Variants in NRG1 observed in about 807,000 individuals in gnomAD.
The protein encoded by NRG1 is neuregulin 1.
A neutral mutation model predicts 63.8 loss-of-function variants in NRG1; 18 were observed. The observed-to-expected ratio is 0.28, with a 90% CI of 0.19 to 0.42. NRG1 has a LOEUF of 0.42. NRG1 is among the 10% of genes least tolerant of loss of function. The pLI is 1.00. For synonymous variants in NRG1, 302 were observed against 301.3 expected (o/e 1.00, Z -0.02); for missense variants, 762 against 814.7 (o/e 0.94, Z 0.79).
At chr8:31,915,388 TCTTTA>T (rs1833296714) in intron 1 of NRG1, among the ~76,000 whole-genome samples, 2 of 152,130 alleles carry the variant, frequency 1.3e-5, no homozygotes, top group East Asian at 1.9e-4. Context: ...GGTACATGCC[TCTTTA>T]CTTTAATTCC....
At chr8:32,409,810 A>T (rs1216394280) in intron 1 of NRG1, among the ~76,000 whole-genome samples, 1 of 152,142 alleles carries the variant, frequency 6.6e-6, no homozygotes, top group East Asian at 1.9e-4. Flanking sequence ...CTCTCTTCAC[A>T]GGAAAGCACT....
At chr8:31,704,724 C>G (rs960167668) in intron 1 of NRG1, among the ~76,000 whole-genome samples, 1 of 149,866 alleles carries the variant, frequency 6.7e-6, no homozygotes, top group Non-Finnish European at 1.5e-5. Flanking sequence ...CCCAGCTACT[C>G]GGGAGGCTGA....
intron 1 of NRG1, among the ~76,000 whole-genome samples, chr8:32,319,867 C>T (rs7006097): frequency 0.13 from 20,232 of 151,950 alleles, 1,429 homozygotes; most frequent in South Asian, 0.18. Flanking sequence ...ATATAATATG[C>T]ACACTAATAT....
chr8:31,969,212 T>C (rs1248231127), intron 1 of NRG1, among the ~76,000 whole-genome samples: 1 of 152,330 alleles, frequency 6.6e-6, no homozygotes, highest in East Asian at 1.9e-4. Context: ...ATATCGCAGA[T>C]GAAAGTACTG....
intron 1 of NRG1, among the ~76,000 whole-genome samples, chr8:31,743,817 G>T (rs1367686386): frequency 2.0e-5 from 3 of 151,938 alleles, no homozygotes; most frequent in Non-Finnish European, 4.4e-5. Context: ...AAAGCACTGA[G>T]AATTATTCTT....
chr8:32,617,275 T>C lies in NRG1; in HGVS notation c.502+390T>C, dbSNP rs115624508. Among the ~76,000 whole-genome samples the C allele has an allele frequency of 6.9e-3, 1,056 of 152,326 alleles. 12 individuals are homozygous for C. The highest frequency in any genetic ancestry group is 0.024 in the African/African-American group (986 of 41,572). On this transcript the variant is annotated intron_variant, in intron 5 of 11. Transcript: ENST00000356819. ...GGCATGATACCCAGCTGTTTGGAGCTTCCGTTCCAAAACTTCTTCATTCTC... is the reference window on the plus strand; with the variant it reads ...GGCATGATACCCAGCTGTTTGGAGCCTCCGTTCCAAAACTTCTTCATTCTC...
chr8:31,992,853 G>T (rs942713393), intron 1 of NRG1, among the ~76,000 whole-genome samples: 2 of 151,986 alleles, frequency 1.3e-5, no homozygotes, highest in East Asian at 3.9e-4. Context: ...GAATAAATGA[G>T]TAGAGAAGCA....
At chr8:32,282,400 C>A (rs1363755915) in intron 1 of NRG1, among the ~76,000 whole-genome samples, 1 of 152,246 alleles carries the variant, frequency 6.6e-6, no homozygotes, top group African/African-American at 2.4e-5. Context: ...GGGGTGTATG[C>A]ACCCTTCATT....
At chr8:32,450,765 A>G (rs71512628) in intron 1 of NRG1, among the ~76,000 whole-genome samples, 24,158 of 152,220 alleles carry the variant, frequency 0.16, 2,217 homozygotes, top group Non-Finnish European at 0.2. Flanking sequence ...AATGAAGAGC[A>G]TAGAAGAGTC....
At chr8:32,532,105 C>A (rs1197946494) in intron 1 of NRG1, among the ~76,000 whole-genome samples, 1 of 152,106 alleles carries the variant, frequency 6.6e-6, no homozygotes, top group Non-Finnish European at 1.5e-5. Flanking sequence ...CACACATGCA[C>A]CAGACAAGCA....
At chr8:32,623,902 G>A (rs1848743614) in intron 5 of NRG1, among the ~76,000 whole-genome samples, 2 of 152,160 alleles carry the variant, frequency 1.3e-5, no homozygotes, top group South Asian at 4.1e-4. Context: ...CGTACTGGTT[G>A]AAATTAACGC....
intron 1 of NRG1, among the ~76,000 whole-genome samples, chr8:32,094,241 G>C (rs1353929764): frequency 6.6e-6 from 1 of 152,088 alleles, no homozygotes; most frequent in Non-Finnish European, 1.5e-5. Flanking sequence ...CGTAGCCCCT[G>C]AATTAACAGA....
At chr8:32,449,969 T>A (rs1006320736) in intron 1 of NRG1, among the ~76,000 whole-genome samples, 4 of 152,070 alleles carry the variant, frequency 2.6e-5, no homozygotes, top group Non-Finnish European at 4.4e-5. Flanking sequence ...GCACATAAAG[T>A]TCCGGGATGG....
At chr8:31,822,972 T>G (rs1415384555) in intron 1 of NRG1, among the ~76,000 whole-genome samples, 1 of 152,066 alleles carries the variant, frequency 6.6e-6, no homozygotes, top group Non-Finnish European at 1.5e-5. Context: ...ATTTTTTAAG[T>G]GAAAAATGGC....
At chr8:32,508,891 T>C (rs1022459129) in intron 1 of NRG1, among the ~76,000 whole-genome samples, 1 of 151,654 alleles carries the variant, frequency 6.6e-6, no homozygotes, top group Non-Finnish European at 1.5e-5. Context: ...CACACCACCA[T>C]GCCCAAATAA....
chr8:31,647,616 C>T (rs895428046), intron 1 of NRG1, among the ~76,000 whole-genome samples: 22 of 152,126 alleles, frequency 1.4e-4, no homozygotes, highest in African/African-American at 5.1e-4. Flanking sequence ...GTTGGGGCCC[C>T]TTGGTGGTTG....
chr8:32,764,363 G>C, exon 12 of NRG1: 4 of 1,609,774 alleles, frequency 2.5e-6, no homozygotes, highest in Non-Finnish European at 3.4e-6. Context: ...AGGCCAGGCT[G>C]TCTAGTGTAA....
At chr8:31,960,947 C>T (rs1186405284) in intron 1 of NRG1, among the ~76,000 whole-genome samples, 3 of 152,146 alleles carry the variant, frequency 2.0e-5, no homozygotes, top group Non-Finnish European at 4.4e-5. Context: ...TTTGCTTTAG[C>T]GATTTCAATT....
chr8:32,120,228 T>C (rs1478140756), intron 1 of NRG1, among the ~76,000 whole-genome samples: 1 of 152,114 alleles, frequency 6.6e-6, no homozygotes, highest in African/African-American at 2.4e-5. Context: ...GTCTTAGATT[T>C]CTACATTTAT....
Sources: gnomAD v4.1 joint callset for allele counts (sites outside exome capture counted in the v4.1 genomes callset) on GRCh38, gnomAD v4.1.1 for gene constraint, MANE v1.5 for transcripts, NCBI Gene and HGNC (gene_info 2026-07-23, HGNC 2026-07-21) for gene names.